KLF12: variants seen among roughly 807,000 people sequenced by gnomAD.
KLF12 encodes Krueppel-like factor 12.
KLF12 carries 9 observed loss-of-function variants against 37.8 expected under a neutral mutation model. The ratio of observed to expected loss-of-function variants is 0.24; its 90% CI spans 0.14 to 0.42. The LOEUF (loss-of-function observed/expected upper bound fraction) is 0.42, where lower values mean the gene tolerates loss of function less well. KLF12 is among the 10% of genes least tolerant of loss of function. The pLI, the probability that KLF12 is intolerant of heterozygous loss-of-function variation, is 1.00. For synonymous variants in KLF12, 208 were observed against 202.1 expected (o/e 1.03, Z -0.25); for missense variants, 411 against 516.0 (o/e 0.80, Z 1.97).
intron 3 of KLF12, among the ~76,000 whole-genome samples, chr13:73,848,891 C>T (rs1885168059): frequency 6.6e-6 from 1 of 152,110 alleles, no homozygotes; most frequent in Admixed American, 6.6e-5. Flanking sequence ...AGCTGAAATG[C>T]AGCTAGCACA....
intron 4 of KLF12, among the ~76,000 whole-genome samples, chr13:73,833,041 A>G (rs942363873): frequency 1.3e-5 from 2 of 152,244 alleles, no homozygotes; most frequent in Non-Finnish European, 2.9e-5. Flanking sequence ...ATTTTATGGC[A>G]TCATGATGCT....
chr13:74,033,480 A>C (rs1893166881), intron 1 of KLF12, among the ~76,000 whole-genome samples: 2 of 152,240 alleles, frequency 1.3e-5, no homozygotes, highest in South Asian at 2.1e-4. Flanking sequence ...TGAGATAATC[A>C]ACATAAAGCA....
At chr13:73,986,819 G>C (rs1341399102) in intron 2 of KLF12, among the ~76,000 whole-genome samples, 1 of 152,152 alleles carries the variant, frequency 6.6e-6, no homozygotes, top group East Asian at 1.9e-4. Flanking sequence ...CTAGAGGCCG[G>C]TAAGGAAATG....
chr13:73,950,496 C>A (rs1566478420), intron 2 of KLF12, among the ~76,000 whole-genome samples: 1 of 152,222 alleles, frequency 6.6e-6, no homozygotes, highest in Non-Finnish European at 1.5e-5. Context: ...CATTCATACT[C>A]TGAAAAACTG....
the KLF12 span, among the ~76,000 whole-genome samples, chr13:74,271,176 A>T: frequency 6.6e-6 from 1 of 152,212 alleles, no homozygotes; most frequent in African/African-American, 2.4e-5. Context: ...GAGGTGGAAC[A>T]GTTTCATCCC....
the KLF12 span, among the ~76,000 whole-genome samples, chr13:74,280,171 C>T: frequency 9.2e-5 from 14 of 152,174 alleles, no homozygotes; most frequent in Admixed American, 3.3e-4. Flanking sequence ...AATTACCAAT[C>T]CTCACAACAA....
intron 1 of KLF12, among the ~76,000 whole-genome samples, chr13:74,011,777 T>C (rs1892557470): frequency 1.3e-5 from 2 of 152,250 alleles, no homozygotes; most frequent in South Asian, 4.1e-4. Flanking sequence ...GATTTGAGCA[T>C]CTGTGGATTT....
intron 6 of KLF12, among the ~76,000 whole-genome samples, chr13:73,752,726 A>ACT (rs1878857460): frequency 9.2e-6 from 1 of 108,136 alleles, no homozygotes; most frequent in Non-Finnish European, 1.8e-5. Flanking sequence ...CCTTCCACAT[A>ACT]TATATTTTTT....
At chr13:74,240,305 A>G in the KLF12 span, among the ~76,000 whole-genome samples, 2 of 134,094 alleles carry the variant, frequency 1.5e-5, no homozygotes, top group Non-Finnish European at 3.1e-5. Flanking sequence ...GTTTCTGCCG[A>G]GAGATCCGCT....
chr13:73,829,502 A>G (rs1884035904), intron 4 of KLF12, among the ~76,000 whole-genome samples: 1 of 152,178 alleles, frequency 6.6e-6, no homozygotes, highest in Non-Finnish European at 1.5e-5. Context: ...ATCATTTTTT[A>G]ATAAAAATAT....
intron 6 of KLF12, among the ~76,000 whole-genome samples, chr13:73,742,143 T>C (rs774781616): frequency 2.6e-5 from 4 of 151,946 alleles, no homozygotes; most frequent in Non-Finnish European, 4.4e-5. Context: ...TATTTAGAGA[T>C]ATAAGCAAAG....
chr13:74,196,616 T>A, the KLF12 span, among the ~76,000 whole-genome samples: 4 of 152,190 alleles, frequency 2.6e-5, no homozygotes, highest in African/African-American at 9.7e-5. Context: ...GCTTTCTGCA[T>A]CATGAGTTTC....
At chr13:74,281,176 T>A in the KLF12 span, among the ~76,000 whole-genome samples, 848 of 152,238 alleles carry the variant, frequency 5.6e-3, 8 homozygotes, top group African/African-American at 0.019. Context: ...TATTTTTTTT[T>A]AAAAAGTATT....
chr13:74,226,058 G>A, the KLF12 span, among the ~76,000 whole-genome samples: 1 of 152,108 alleles, frequency 6.6e-6, no homozygotes, highest in Non-Finnish European at 1.5e-5. Flanking sequence ...TTCCAGGTAA[G>A]ATGTAGATAT....
At chr13:73,984,161 G>A (rs1443001643) in intron 2 of KLF12, among the ~76,000 whole-genome samples, 1 of 152,182 alleles carries the variant, frequency 6.6e-6, no homozygotes, top group African/African-American at 2.4e-5. Context: ...GGAAAGACTT[G>A]GTGGTGGATT....
intron 2 of KLF12, among the ~76,000 whole-genome samples, chr13:73,984,362 G>T (rs1211595845): frequency 1.3e-5 from 2 of 152,220 alleles, no homozygotes; most frequent in East Asian, 3.8e-4. Context: ...CGCTGGCACA[G>T]GGAAGCGGCT....
chr13:74,011,324 G>C lies in KLF12; in HGVS notation c.-31-16271C>G, dbSNP rs1892546516. On this transcript the variant is annotated intron_variant, in intron 1 of 7. Coordinates refer to ENST00000377669, the MANE Select transcript of KLF12 (RefSeq NM_007249.5). ...ACAGTACTGCAGAGGCAAAATGCTA[G>C]AACTGCTAGTGGTGATTTCACTGAC... Among the ~76,000 whole-genome samples, 3 of 151,092 alleles carry C rather than the reference G, an allele frequency of 2.0e-5. No homozygotes were observed. In the South Asian group the frequency reaches 6.3e-4, roughly 32 times the overall value.
chr13:73,909,227 C>G (rs1566452758), intron 3 of KLF12, among the ~76,000 whole-genome samples: 1 of 152,200 alleles, frequency 6.6e-6, no homozygotes, highest in African/African-American at 2.4e-5. Context: ...AAGTCTTCAA[C>G]TAGGTTCCGT....
chr13:74,293,381 G>C, the KLF12 span, among the ~76,000 whole-genome samples: 5 of 152,150 alleles, frequency 3.3e-5, no homozygotes, highest in East Asian at 7.7e-4. Flanking sequence ...GAATTTTTGG[G>C]TACAATCGAG....
Sources: gnomAD v4.1 joint callset for allele counts (sites outside exome capture counted in the v4.1 genomes callset) on GRCh38, gnomAD v4.1.1 for gene constraint, MANE v1.5 for transcripts, NCBI Gene and HGNC (gene_info 2026-07-23, HGNC 2026-07-21) for gene names.